The following POU2F2 variants were observed in gnomAD, a reference collection of about 807,000 sequenced individuals.
POU2F2 encodes the protein POU class 2 homeobox 2.
POU2F2 carries 14 observed loss-of-function variants against 63.5 expected under a neutral mutation model. That is an observed-to-expected ratio of 0.22 (90% CI 0.15 to 0.34). The LOEUF is 0.34. POU2F2 is among the 10% of genes least tolerant of loss of function. POU2F2 has a pLI of 1.00. For missense variants in POU2F2, 607 were observed against 815.2 expected, an observed-to-expected ratio of 0.74 and a Z score of 3.11; for synonymous variants, 306 against 348.6, an observed-to-expected ratio of 0.88 and a Z score of 1.36.
chr19:42,142,352 G>A (rs1337860091), intron 2 of POU2F2, among the ~76,000 whole-genome samples: 2 of 151,812 alleles, frequency 1.3e-5, no homozygotes, highest in Non-Finnish European at 2.9e-5. Context: ...CACCACACCA[G>A]GCTAATTTTT....
chr19:42,136,844 C>T (rs1384793810), upstream of POU2F2: 2 of 152,224 alleles, frequency 1.3e-5, no homozygotes, highest in South Asian at 2.1e-4. Flanking sequence ...TCTTGATATT[C>T]GGCAATGCAC....
chr19:42,159,729 C>G (rs2034520419), intron 2 of POU2F2, among the ~76,000 whole-genome samples: 1 of 152,186 alleles, frequency 6.6e-6, no homozygotes, highest in Non-Finnish European at 1.5e-5. Context: ...GGGAACGCTT[C>G]CAGCCATATT....
At chr19:42,163,300 G>A (rs1282597902) in intron 1 of POU2F2, among the ~76,000 whole-genome samples, 1 of 152,080 alleles carries the variant, frequency 6.6e-6, no homozygotes, top group African/African-American at 2.4e-5. Flanking sequence ...ACAGGAGGGA[G>A]TGTGTGGGCA....
At chr19:42,101,674 A>G (rs190992755) in intron 5 of POU2F2, among the ~76,000 whole-genome samples, 22 of 152,304 alleles carry the variant, frequency 1.4e-4, no homozygotes, top group Admixed American at 4.6e-4. Flanking sequence ...GCAAACTAAT[A>G]TAGGCGCTAT....
chr19:42,161,349 C>T (rs1361576590), intron 1 of POU2F2, among the ~76,000 whole-genome samples: 1 of 152,056 alleles, frequency 6.6e-6, no homozygotes, highest in Non-Finnish European at 1.5e-5. Flanking sequence ...GCAGCCAGGG[C>T]TTCGTCAGAG....
At chr19:42,190,795 C>T (rs565210115) in intron 1 of POU2F2, among the ~76,000 whole-genome samples, 15 of 152,150 alleles carry the variant, frequency 9.9e-5, no homozygotes, top group African/African-American at 2.9e-4. Flanking sequence ...TCAGGATAGT[C>T]GGAGTAACGT....
At chr19:42,178,041 G>A (rs1480053567), upstream of POU2F2, among the ~76,000 whole-genome samples, 1 of 152,020 alleles carries the variant, frequency 6.6e-6, no homozygotes, top group Non-Finnish European at 1.5e-5. Context: ...GACACCCAGA[G>A]ACAAAGAGGA....
Position 42,174,294 on chromosome 19 carries a change from T to C in POU2F2, c.-70+1669A>G, listed in dbSNP as rs114671167. On this transcript the variant is annotated intron_variant, in intron 1 of 6. Transcript: ENST00000524801. ...ACTTTTTTTGATGTGCACCCTTGTG[T>C]GCACACACTATGTTCAGACCTAGTA... Among the ~76,000 whole-genome samples the C allele has an allele frequency of 9.4e-3, 1,438 of 152,318 alleles. 22 individuals are homozygous for C. Among genetic ancestry groups the C allele is most frequent in the African/African-American group, 0.033 (1,374 of 41,552 alleles).
At position 42,153,014 on chromosome 19, in the gene POU2F2, C is replaced by G. The variant is rs2034385182; in HGVS notation, c.-9+7318G>C. Among the ~76,000 whole-genome samples, 1 of 152,198 alleles carries G rather than the reference C, an allele frequency of 6.6e-6. No homozygotes were observed. The highest frequency in any genetic ancestry group is 1.5e-5 in the Non-Finnish European group (1 of 68,028). On this transcript the variant is annotated intron_variant, in intron 2 of 6. Coordinates refer to the POU2F2 transcript ENST00000524801. The surrounding 1 kb of genome is among the most constrained non-coding windows in gnomAD (Gnocchi z 5.6). The stretch of plus-strand genomic sequence containing the variant: ...CAGTGGGGCGAACCCTCAGGCCGGC[C>G]TGCGCCCACCCCCAGAGCTGCTGGC...
intron 1 of POU2F2, among the ~76,000 whole-genome samples, chr19:42,187,098 C>G (rs1478179756): frequency 6.6e-6 from 1 of 151,986 alleles, no homozygotes; most frequent in African/African-American, 2.4e-5. Context: ...CGATGATGTC[C>G]CTCAAGAAGA....
At chr19:42,142,540 G>A (rs2034149417) in intron 2 of POU2F2, among the ~76,000 whole-genome samples, 1 of 150,616 alleles carries the variant, frequency 6.6e-6, no homozygotes, top group Non-Finnish European at 1.5e-5. Context: ...GTGGGGGTTT[G>A]GGGTTTGGGG....
intron 14 of POU2F2, 94 bp from the exon 15 acceptor site, chr19:42,091,685 C>T: frequency 1.3e-6 from 2 of 1,551,338 alleles, no homozygotes; most frequent in South Asian, 2.4e-5. Flanking sequence ...CCCCATCTCC[C>T]CATCGGTCCC....
intron 1 of POU2F2, among the ~76,000 whole-genome samples, chr19:42,195,634 C>T (rs1328304108): frequency 1.3e-5 from 2 of 149,822 alleles, no homozygotes; most frequent in Non-Finnish European, 3.0e-5. Context: ...GCCTGGCCCC[C>T]TCCCTCCCTT....
chr19:42,181,325 A>G (rs1452069046), intron 1 of POU2F2, among the ~76,000 whole-genome samples: 2 of 152,212 alleles, frequency 1.3e-5, no homozygotes, highest in Admixed American at 1.3e-4. Flanking sequence ...AAATAGCATA[A>G]TTCCAGAAGT....
chr19:42,188,390 G>C (rs114374319), intron 1 of POU2F2, among the ~76,000 whole-genome samples: 4,198 of 151,672 alleles, frequency 0.028, 200 homozygotes, highest in African/African-American at 0.096. Flanking sequence ...GAAAAAAAGG[G>C]CCGGGTGCAG....
rs982160376 is a variant in POU2F2 at position 42,106,088 on chromosome 19, TTCTC to T, written c.370-6271_370-6268del. 2.3e-4 allele frequency among the ~76,000 whole-genome samples: 35 copies of T among 150,702 alleles called. No individual in the cohort carries two copies. The East Asian group carries it at 6.4e-3, about 28-fold the overall frequency. On this transcript the variant is annotated intron_variant, in intron 5 of 14. Transcript: ENST00000692977. Reference sequence around the variant, plus strand: ...TTTTTCTTTCTTTTCTTTCTTTCCCTTCTCTCTCTCTCTTTCTTTCTTTTTTGAG... The same window carrying T: ...TTTTTCTTTCTTTTCTTTCTTTCCCTTCTCTCTCTTTCTTTCTTTTTTGAG...
chr19:42,110,442 C>G (rs1281452901), intron 5 of POU2F2: 1 of 157,772 alleles, frequency 6.3e-6, no homozygotes, highest in Admixed American at 6.5e-5. Context: ...CACCTGGCAA[C>G]AACACCAACA....
intron 2 of POU2F2, among the ~76,000 whole-genome samples, chr19:42,158,000 G>A (rs1212068785): frequency 6.6e-6 from 1 of 152,134 alleles, no homozygotes; most frequent in Non-Finnish European, 1.5e-5. Flanking sequence ...GACATGTTTG[G>A]GGCATCACTC....
At position 42,121,542 on chromosome 19, in the gene POU2F2, T is replaced by C. The variant is rs146998904; in HGVS notation, c.186+584A>G. Reference sequence around the variant, plus strand: ...CACTGGTCAGGGTCTGGAGTCCTGCTCACACCTTCTCTGCCCCCACCTCCA... The same window carrying C: ...CACTGGTCAGGGTCTGGAGTCCTGCCCACACCTTCTCTGCCCCCACCTCCA... On this transcript the variant is annotated intron_variant, in intron 4 of 14. Coordinates refer to ENST00000692977, the MANE Select transcript of POU2F2 (RefSeq NM_001394376.1). 9.2e-5 allele frequency among the ~76,000 whole-genome samples: 14 copies of C among 152,112 alleles called. No individual in the cohort carries two copies. In the East Asian group the frequency reaches 2.7e-3, roughly 29 times the overall value.
Sources: gnomAD v4.1 joint callset for allele counts (sites outside exome capture counted in the v4.1 genomes callset) on GRCh38, gnomAD v4.1.1 for gene constraint, Gnocchi (gnomAD v3.1) non-coding constraint, MANE v1.5 for transcripts, NCBI Gene and HGNC (gene_info 2026-07-23, HGNC 2026-07-21) for gene names.